The following GPR158 variants were observed in gnomAD, a reference collection of about 807,000 sequenced individuals.
The protein encoded by GPR158 is metabotropic glycine receptor.
In GPR158, 30 loss-of-function variants were observed where a neutral mutation model predicts 78.2. That is an observed-to-expected ratio of 0.38 (90% confidence interval 0.29 to 0.52). The LOEUF (loss-of-function observed/expected upper bound fraction) is 0.52. Among genes scored for constraint, GPR158 ranks in the 20% least tolerant of loss-of-function variants. The pLI is 0.83. For synonymous variants in GPR158, 581 were observed against 591.1 expected (o/e 0.98, Z 0.25); for missense variants, 1,463 against 1,523.5 (o/e 0.96, Z 0.66).
chr10:25,484,053 G>T (rs993101551), intron 5 of GPR158, among the ~76,000 whole-genome samples: 3 of 152,068 alleles, frequency 2.0e-5, no homozygotes, highest in South Asian at 4.1e-4. Context: ...AGAAAAGACC[G>T]ATAATAAAGA....
chr10:25,565,417 G>A (rs888266246), intron 6 of GPR158, among the ~76,000 whole-genome samples: 1 of 152,122 alleles, frequency 6.6e-6, no homozygotes, highest in Admixed American at 6.5e-5. Context: ...TTAGACAGAC[G>A]GCATGGCATT....
intron 2 of GPR158, among the ~76,000 whole-genome samples, chr10:25,292,382 T>TA (rs1400186152): frequency 6.6e-6 from 1 of 152,162 alleles, no homozygotes. Flanking sequence ...CCTTTTCTCT[T>TA]AAAAATAACC....
intron 1 of GPR158, among the ~76,000 whole-genome samples, chr10:25,201,759 T>G (rs1354720443): frequency 6.6e-6 from 1 of 152,186 alleles, no homozygotes; most frequent in Non-Finnish European, 1.5e-5. Context: ...TAATTCTGTT[T>G]ATATGGTGAA....
chr10:25,477,525 G>A (rs1835605171), intron 5 of GPR158, among the ~76,000 whole-genome samples: 1 of 152,064 alleles, frequency 6.6e-6, no homozygotes, highest in African/African-American at 2.4e-5. Context: ...AGGGCAGAAT[G>A]GTAGCAGTTC....
At chr10:25,210,177 T>C (rs905661373) in intron 1 of GPR158, among the ~76,000 whole-genome samples, 14 of 152,246 alleles carry the variant, frequency 9.2e-5, no homozygotes, top group Non-Finnish European at 1.6e-4. Flanking sequence ...TGCAGTGTAT[T>C]CTTCTATTCA....
chr10:25,390,041 T>C (rs909255942), intron 2 of GPR158, among the ~76,000 whole-genome samples: 12 of 152,182 alleles, frequency 7.9e-5, no homozygotes, highest in African/African-American at 2.7e-4. Flanking sequence ...CTTCGCATGC[T>C]CTCTTGTCTG....
At chr10:25,225,118 A>G (rs1482293048) in intron 2 of GPR158, among the ~76,000 whole-genome samples, 2 of 151,220 alleles carry the variant, frequency 1.3e-5, no homozygotes, top group Non-Finnish European at 2.9e-5. Flanking sequence ...TACCTGTTTC[A>G]TAGACACTAT....
intron 4 of GPR158, among the ~76,000 whole-genome samples, chr10:25,463,966 G>A (rs1461701298): frequency 6.6e-6 from 1 of 152,058 alleles, no homozygotes; most frequent in East Asian, 1.9e-4. Context: ...TCACCTATTA[G>A]GTTCCTTCTC....
intron 2 of GPR158, among the ~76,000 whole-genome samples, chr10:25,358,875 G>A (rs985572696): frequency 1.3e-5 from 2 of 151,916 alleles, no homozygotes; most frequent in African/African-American, 4.8e-5. Context: ...TTGTTTTATG[G>A]CATAAATTAT....
chr10:25,252,866 T>C (rs1161849656), intron 2 of GPR158, among the ~76,000 whole-genome samples: 1 of 152,200 alleles, frequency 6.6e-6, no homozygotes. Context: ...CTGGCTGCTT[T>C]GTTTACCTAA....
chr10:25,301,595 A>C (rs890047498), intron 2 of GPR158, among the ~76,000 whole-genome samples: 8 of 152,064 alleles, frequency 5.3e-5, no homozygotes, highest in Non-Finnish European at 7.4e-5. Context: ...ATTTGTGAAA[A>C]AGTAGAAAGG....
chr10:25,511,814 G>C (rs1836089485), intron 5 of GPR158, among the ~76,000 whole-genome samples: 2 of 151,990 alleles, frequency 1.3e-5, no homozygotes, highest in Admixed American at 6.5e-5. Context: ...TTATGTTTTT[G>C]TTTGATTTGT....
At chr10:25,419,042 T>G (rs1287032602) in intron 4 of GPR158, among the ~76,000 whole-genome samples, 1 of 152,062 alleles carries the variant, frequency 6.6e-6, no homozygotes, top group African/African-American at 2.4e-5. Flanking sequence ...ACTATTTTGG[T>G]AAAATAAAGT....
At chr10:25,224,816 A>G (rs1853351390) in intron 2 of GPR158, among the ~76,000 whole-genome samples, 1 of 152,246 alleles carries the variant, frequency 6.6e-6, no homozygotes, top group African/African-American at 2.4e-5. Context: ...ACTTGATGTC[A>G]ATTGGTCCTC....
At chr10:25,543,716 A>G (rs1001662701) in intron 5 of GPR158, among the ~76,000 whole-genome samples, 6 of 152,206 alleles carry the variant, frequency 3.9e-5, no homozygotes, top group African/African-American at 1.4e-4. Context: ...TAGTGAGAAC[A>G]TGCAGGAATT....
intron 2 of GPR158, among the ~76,000 whole-genome samples, chr10:25,323,946 C>A (rs1386631805): frequency 6.6e-6 from 1 of 152,230 alleles, no homozygotes; most frequent in African/African-American, 2.4e-5. Context: ...CTGCTATCCT[C>A]CAACTTTTCT....
intron 4 of GPR158, among the ~76,000 whole-genome samples, chr10:25,465,742 A>G (rs2130616483): frequency 6.6e-6 from 1 of 152,186 alleles, no homozygotes; most frequent in South Asian, 2.1e-4. Flanking sequence ...TGCTTTTTTT[A>G]CCCACCAACA....
rs546428217 is a variant in GPR158, at chr10:25,321,225, T to A, written c.1009-74686T>A. On this transcript the variant is annotated intron_variant, in intron 2 of 10. Coordinates refer to ENST00000376351, the MANE Select transcript of GPR158 (RefSeq NM_020752.3). ...ATTTAATGCTAAATATGTATTTTTA[T>A]TGGTGTGAAACTGGACAGTACTGAG... 1.2e-3 allele frequency among the ~76,000 whole-genome samples: 178 copies of A among 152,324 alleles called. 1 individual carries two copies. Among genetic ancestry groups the A allele is most frequent in the African/African-American group, 4.0e-3 (166 of 41,576 alleles).
intron 7 of GPR158, among the ~76,000 whole-genome samples, chr10:25,579,745 CCA>C (rs1837162441): frequency 6.6e-6 from 1 of 152,190 alleles, no homozygotes; most frequent in African/African-American, 2.4e-5. Context: ...TGAGCTGTTT[CCA>C]CAGTTTCTTC....
Sources: allele counts gnomAD v4.1 joint callset (sites outside exome capture counted in the v4.1 genomes callset), GRCh38; gene constraint gnomAD v4.1.1; transcripts MANE v1.5; gene names NCBI Gene and HGNC (gene_info 2026-07-23, HGNC 2026-07-21).